MARCHF7: variants seen among roughly 807,000 people sequenced by gnomAD.
MARCHF7 encodes E3 ubiquitin-protein ligase MARCHF7.
MARCHF7 carries 20 observed loss-of-function variants against 76.5 expected under a neutral mutation model. The ratio of observed to expected loss-of-function variants is 0.26; its 90% CI spans 0.18 to 0.38. The LOEUF (loss-of-function observed/expected upper bound fraction) is 0.38. MARCHF7 is among the 10% of genes least tolerant of loss of function. The probability of loss-of-function intolerance (pLI) is 1.00; values close to 1 mark genes in which losing one functional copy is unlikely to be tolerated. For synonymous variants in MARCHF7, 295 were observed against 293.0 expected, an observed-to-expected ratio of 1.01 and a Z score of -0.07; for missense variants, 797 against 812.9, an observed-to-expected ratio of 0.98 and a Z score of 0.24.
intron 7 of MARCHF7, among the ~76,000 whole-genome samples, chr2:159,750,207 G>A (rs531253465): frequency 6.6e-6 from 1 of 152,292 alleles, no homozygotes; most frequent in African/African-American, 2.4e-5. Context: ...TGCCCAGCCA[G>A]TTCTTTAGAT....
At chr2:159,726,962 A>G (rs981680520) in intron 3 of MARCHF7, among the ~76,000 whole-genome samples, 8 of 152,250 alleles carry the variant, frequency 5.3e-5, no homozygotes, top group Admixed American at 4.6e-4. Context: ...CCTAGAAACA[A>G]TAGGTTATAC....
At chr2:159,735,028 A>G (rs148395107) in intron 4 of MARCHF7, among the ~76,000 whole-genome samples, 210 of 152,226 alleles carry the variant, frequency 1.4e-3, no homozygotes, top group African/African-American at 4.8e-3. Flanking sequence ...CAGCTTGTCA[A>G]TTTGGTCTTA....
intron 8 of MARCHF7, among the ~76,000 whole-genome samples, chr2:159,756,415 G>T (rs538474282): frequency 1.3e-5 from 2 of 152,182 alleles, no homozygotes; most frequent in East Asian, 3.9e-4. Flanking sequence ...GGCCAGGCAT[G>T]GTGGCTCACA....
chr2:159,729,320 T>G (rs769245576), intron 4 of MARCHF7, 145 bp downstream of exon 4: 68 of 504,496 alleles, frequency 1.3e-4, no homozygotes, highest in African/African-American at 2.2e-4. Context: ...ATGAATAACA[T>G]TTTTCAAACT....
chr2:159,764,919 A>C (rs532712727), intron 11 of MARCHF7, among the ~76,000 whole-genome samples: 7 of 151,594 alleles, frequency 4.6e-5, no homozygotes, highest in African/African-American at 1.7e-4. Flanking sequence ...TTTCAAAGAG[A>C]AATTTATTGT....
chr2:159,746,124 A>G (rs987517959), intron 6 of MARCHF7, among the ~76,000 whole-genome samples, 187 bp downstream of exon 6: 1 of 152,230 alleles, frequency 6.6e-6, no homozygotes, highest in Non-Finnish European at 1.5e-5. Context: ...CAGTCGATGA[A>G]TATGAGTATC....
At chr2:159,720,866 G>A (rs931683865) in intron 3 of MARCHF7, among the ~76,000 whole-genome samples, 1 of 151,968 alleles carries the variant, frequency 6.6e-6, no homozygotes, top group African/African-American at 2.4e-5. Flanking sequence ...AACTCTTTCC[G>A]CAACCGCTCA....
At chr2:159,734,344 ATAAC>A (rs1703195744) in intron 4 of MARCHF7, among the ~76,000 whole-genome samples, 1 of 151,646 alleles carries the variant, frequency 6.6e-6, no homozygotes, top group South Asian at 2.1e-4. Context: ...TAGTTTGTAG[ATAAC>A]TGCTATAGAG....
At chr2:159,754,972 A>T (rs76280804) in intron 8 of MARCHF7, among the ~76,000 whole-genome samples, 11,315 of 152,232 alleles carry the variant, frequency 0.074, 871 homozygotes, top group African/African-American at 0.19. Flanking sequence ...GTACGTGTAC[A>T]ATTTTTTTAA....
At chr2:159,744,147 C>G (rs1048848975) in intron 5 of MARCHF7, among the ~76,000 whole-genome samples, 45 of 151,146 alleles carry the variant, frequency 3.0e-4, no homozygotes, top group Non-Finnish European at 5.9e-4. Flanking sequence ...GCCACTACGC[C>G]CGGCTAATTT....
At chr2:159,735,838 A>G (rs1309255685) in intron 4 of MARCHF7, among the ~76,000 whole-genome samples, 1 of 152,220 alleles carries the variant, frequency 6.6e-6, no homozygotes, top group Non-Finnish European at 1.5e-5. Flanking sequence ...TTTGGTATGT[A>G]CTAAGTGGAG....
chr2:159,729,229 C>T (rs3821299), intron 4 of MARCHF7, 54 bp downstream of exon 4: 29 of 1,321,160 alleles, frequency 2.2e-5, no homozygotes, highest in Non-Finnish European at 2.8e-5. Context: ...ATCCCTAGGG[C>T]CACTCTTTTG....
intron 7 of MARCHF7, 75 bp downstream of exon 7, chr2:159,748,978 CTTTTTT>C: frequency 3.9e-6 from 3 of 775,330 alleles, no homozygotes; most frequent in Non-Finnish European, 5.0e-6. Context: ...TTTTTCTTTT[CTTTTTT>C]TTTTTTTTTT....
chr2:159,713,749 A>G (rs921967636), intron 1 of MARCHF7, among the ~76,000 whole-genome samples: 27 of 152,230 alleles, frequency 1.8e-4, no homozygotes, highest in African/African-American at 5.8e-4. Flanking sequence ...GGACTGGTGC[A>G]TGAGGCAGTA....
chr2:159,761,559 T>A (rs1483704852), intron 9 of MARCHF7, among the ~76,000 whole-genome samples: 1 of 150,810 alleles, frequency 6.6e-6, no homozygotes, highest in Non-Finnish European at 1.5e-5. Flanking sequence ...GTGTTACAGG[T>A]TCCTGCCACC....
rs1466934504 is a variant in MARCHF7 at position 159,768,630 on chromosome 2, C to G, written c.*1288C>G. 4 of 152,710 alleles carry G rather than the reference C, an allele frequency of 2.6e-5. No homozygotes were observed. In the South Asian group the frequency reaches 6.2e-4, roughly 24 times the overall value. The allele number at this position is 152,710 out of a possible 1,614,324, so 9.5% of individuals were successfully genotyped here. On this transcript the variant is annotated 3_prime_UTR_variant, in exon 12 of 12. Transcript: ENST00000409175. ...GGTGCTCAAAGAAGACATCAGACTT[C>G]ATAACCAAGAATTTTATTACAATTT...
At chr2:159,714,786 C>T (rs769703599) in intron 2 of MARCHF7, among the ~76,000 whole-genome samples, 188 bp downstream of exon 2, 10 of 152,048 alleles carry the variant, frequency 6.6e-5, no homozygotes, top group African/African-American at 1.9e-4. Flanking sequence ...TGTAGTGGTG[C>T]GCACTGCTAC....
chr2:159,720,584 A>G (rs1701528239), intron 3 of MARCHF7, among the ~76,000 whole-genome samples: 1 of 152,080 alleles, frequency 6.6e-6, no homozygotes, highest in Non-Finnish European at 1.5e-5. Context: ...TGTGTCTCAA[A>G]GACCTTGTTT....
chr2:159,754,646 A>T (rs1706066312), intron 8 of MARCHF7, among the ~76,000 whole-genome samples: 1 of 152,150 alleles, frequency 6.6e-6, no homozygotes, highest in Non-Finnish European at 1.5e-5. Flanking sequence ...TTCTAACAGA[A>T]AAAAAAGTAC....
Sources: gnomAD v4.1 joint callset for allele counts (sites outside exome capture counted in the v4.1 genomes callset) on GRCh38, gnomAD v4.1.1 for gene constraint, MANE v1.5 for transcripts, NCBI Gene and HGNC (gene_info 2026-07-23, HGNC 2026-07-21) for gene names.